DYNC2H1: variants seen among roughly 807,000 people sequenced by gnomAD.
DYNC2H1 encodes the protein cytoplasmic dynein 2 heavy chain 1.
A neutral mutation model predicts 570.0 loss-of-function variants in DYNC2H1; 410 were observed. The observed-to-expected ratio is 0.72, with a 90% CI of 0.66 to 0.78. The LOEUF is 0.78. Ranked by LOEUF, DYNC2H1 falls within the 30% of genes least tolerant of loss-of-function variation. The pLI, the probability that DYNC2H1 is intolerant of heterozygous loss-of-function variation, is 0.00. For synonymous variants in DYNC2H1, 1,688 were observed against 1,677.6 expected, an observed-to-expected ratio of 1.01 and a Z score of -0.15; for missense variants, 4,865 against 5,046.4, an observed-to-expected ratio of 0.96 and a Z score of 1.09.
intron 83 of DYNC2H1, among the ~76,000 whole-genome samples, chr11:103,374,705 AC>A (rs1426308131): frequency 6.6e-6 from 1 of 151,932 alleles, no homozygotes; most frequent in Non-Finnish European, 1.5e-5. Context: ...GAGCTTTTTG[AC>A]CCTGCCCTAG....
intron 13 of DYNC2H1, among the ~76,000 whole-genome samples, chr11:103,131,177 T>C (rs1383579779): frequency 6.6e-6 from 1 of 152,196 alleles, no homozygotes; most frequent in Non-Finnish European, 1.5e-5. Context: ...ATTTTCCCTA[T>C]ATACATTGAA....
At position 103,277,254 on chromosome 11, in the gene DYNC2H1, TA is replaced by T. The variant is rs1400392494; in HGVS notation, c.10696-3093del. ...TTATACAAAGTGTGTGTTCAAATTT[TA>T]TCATGTATGGCTTTTTGTATTCAAT... On this transcript the variant is annotated intron_variant, in intron 70 of 88. Coordinates refer to ENST00000375735, the MANE Select transcript of DYNC2H1 (RefSeq NM_001377.3). This position sits in a 1 kb window ranked among gnomAD's most constrained non-coding sequence, Gnocchi z 4.3. 6.6e-6 allele frequency among the ~76,000 whole-genome samples: 1 copy of T among 152,140 alleles called. No homozygotes were observed. The highest frequency in any genetic ancestry group is 1.5e-5 in the Non-Finnish European group (1 of 67,984).
intron 85 of DYNC2H1, among the ~76,000 whole-genome samples, chr11:103,451,823 G>A (rs573671946): frequency 6.3e-4 from 96 of 152,100 alleles, no homozygotes; most frequent in African/African-American, 2.3e-3. Flanking sequence ...ATGATATCTT[G>A]TTTCTATAAT....
In DYNC2H1 at chr11:103,113,255, G is replaced by A. The variant is rs4754892; in HGVS notation, c.196-282G>A. Among the ~76,000 whole-genome samples the A allele has an allele frequency of 0.021, 3,250 of 152,134 alleles. 54 individuals are homozygous for A. The highest frequency in any genetic ancestry group is 0.053 in the Admixed American group (815 of 15,270). On this transcript the variant is annotated intron_variant, in intron 1 of 88. Transcript: ENST00000375735. ...GGCTGGAATGGAATCTGGCTGGAATGGAATCTGACTGGAATGGAATAGTTA... is the reference window on the plus strand; with the variant it reads ...GGCTGGAATGGAATCTGGCTGGAATAGAATCTGACTGGAATGGAATAGTTA...
intron 31 of DYNC2H1, among the ~76,000 whole-genome samples, chr11:103,167,006 T>TTTG (rs1358771654): frequency 1.8e-4 from 26 of 148,024 alleles, no homozygotes; most frequent in Admixed American, 5.4e-4. Context: ...TTTTTTTTTT[T>TTTG]TTTTTGATTT....
chr11:103,178,470 A>G (rs1325330686), intron 38 of DYNC2H1, among the ~76,000 whole-genome samples: 2 of 152,116 alleles, frequency 1.3e-5, no homozygotes, highest in Non-Finnish European at 2.9e-5. Flanking sequence ...TAACACTTTT[A>G]TCAGTGAAAT....
rs1207059986 is a variant in DYNC2H1, at chr11:103,177,973, G to A, written c.6139+153G>A. ...ACATTTGATATTTTACTTTGGAGGG[G>A]GCCAAGACATGCTATCATTTTCAGT... On this transcript the variant is annotated intron_variant, in intron 38 of 88. Coordinates refer to ENST00000375735, the MANE Select transcript of DYNC2H1 (RefSeq NM_001377.3). The surrounding 1 kb of genome is among the most constrained non-coding windows in gnomAD (Gnocchi z 4.4). Among the ~76,000 whole-genome samples, 1 of 151,820 alleles carries A rather than the reference G, an allele frequency of 6.6e-6. No individual in the cohort carries two copies. Among genetic ancestry groups the A allele is most frequent in the African/African-American group, 2.4e-5 (1 of 41,324 alleles).
At chr11:103,207,832 G>A (rs1159783080) in intron 52 of DYNC2H1, among the ~76,000 whole-genome samples, 1 of 152,122 alleles carries the variant, frequency 6.6e-6, no homozygotes, top group Admixed American at 6.6e-5. Flanking sequence ...TTTGGTGCTT[G>A]AGTATGACAA....
chr11:103,282,592 C>A (rs963928657), intron 72 of DYNC2H1, among the ~76,000 whole-genome samples: 1 of 151,744 alleles, frequency 6.6e-6, no homozygotes, highest in African/African-American at 2.4e-5. Flanking sequence ...TTTTTAATAA[C>A]TTCATTCAAA....
chr11:103,165,407 G>A lies in DYNC2H1; in HGVS notation c.4612-491G>A, dbSNP rs562879235. 7.2e-5 allele frequency among the ~76,000 whole-genome samples: 11 copies of A among 152,290 alleles called. No individual in the cohort carries two copies. In the East Asian group the frequency reaches 2.1e-3, roughly 29 times the overall value. ...GCCTTCCAAAGTTCTGGGATTACAG[G>A]CGTGAGCCACCGCACCCGGCCAAGG... On this transcript the variant is annotated intron_variant, in intron 30 of 88. Coordinates refer to ENST00000375735, the MANE Select transcript of DYNC2H1 (RefSeq NM_001377.3).
At chr11:103,225,054 G>C (rs1863750005) in intron 59 of DYNC2H1, among the ~76,000 whole-genome samples, 1 of 152,008 alleles carries the variant, frequency 6.6e-6, no homozygotes, top group Admixed American at 6.6e-5. Flanking sequence ...ATCTTCTTTT[G>C]AGAATTGTCT....
At chr11:103,156,810 T>C in intron 26 of DYNC2H1, 40 bp downstream of exon 26, 3 of 1,572,230 alleles carry the variant, frequency 1.9e-6, no homozygotes, top group Non-Finnish European at 2.6e-6. Context: ...ATATGGTATT[T>C]TTTTTAAATT....
chr11:103,273,233 AG>A (rs968245692), intron 70 of DYNC2H1, among the ~76,000 whole-genome samples: 3 of 147,060 alleles, frequency 2.0e-5, no homozygotes, highest in Non-Finnish European at 4.5e-5. Flanking sequence ...TCTATTGCCC[AG>A]GCTGGAGTGC....
rs527597968 is a variant in DYNC2H1 at position 103,390,597 on chromosome 11, G to A, written c.12157-9066G>A. ...GATGCAGCTTCTTCCTAGCCTTGAT[G>A]GGCTTTACAATTTGGCATGTTTTTG... On this transcript the variant is annotated intron_variant, in intron 83 of 88. Transcript: ENST00000375735. Among the ~76,000 whole-genome samples, 752 of 152,292 alleles carry A rather than the reference G, an allele frequency of 4.9e-3. 2 individuals are homozygous for A. Among genetic ancestry groups the A allele is most frequent in the African/African-American group, 0.017 (719 of 41,544 alleles).
At chr11:103,120,131 G>A (rs938639006) in intron 6 of DYNC2H1, among the ~76,000 whole-genome samples, 1 of 152,014 alleles carries the variant, frequency 6.6e-6, no homozygotes, top group Non-Finnish European at 1.5e-5. Context: ...ACTTAAATGA[G>A]CTCTAAATAT....
intron 83 of DYNC2H1, among the ~76,000 whole-genome samples, chr11:103,392,188 C>G (rs11225762): frequency 0.03 from 4,613 of 152,316 alleles, 227 homozygotes; most frequent in African/African-American, 0.11. Context: ...CCTACTCAAG[C>G]CTGGGCAATG....
At chr11:103,127,280 A>C (rs1859051195) in intron 12 of DYNC2H1, among the ~76,000 whole-genome samples, 1 of 152,194 alleles carries the variant, frequency 6.6e-6, no homozygotes, top group South Asian at 2.1e-4. Flanking sequence ...AGGTATTTGT[A>C]TTTACCCTGG....
In DYNC2H1 at chr11:103,231,034, C is replaced by T. The variant is rs576504465; in HGVS notation, c.9354-226C>T. Among the ~76,000 whole-genome samples the T allele has an allele frequency of 9.5e-4, 144 of 152,116 alleles. 1 individual carries two copies. The highest frequency in any genetic ancestry group is 3.3e-3 in the African/African-American group (138 of 41,492). ...TACCATTTTTATCCAGAAATTTACA[C>T]GTATGAGTGTTTTTAAATATAAATT... On this transcript the variant is annotated intron_variant, in intron 59 of 88. Transcript: ENST00000375735.
At position 103,204,880 on chromosome 11, in the gene DYNC2H1, G is replaced by T; in HGVS notation, c.8370G>T (p.Met2790Ile). 2 of 1,591,400 alleles carry T rather than the reference G, an allele frequency of 1.3e-6. No homozygotes were observed. The highest frequency in any genetic ancestry group is 1.7e-6 in the Non-Finnish European group (2 of 1,167,616). The change falls in exon 52 of 89, where the codon ATG becomes ATT. Residue 2790 changes from methionine (M) to isoleucine (I), a missense_variant. This residue lies in a region of DYNC2H1 where 2,401 missense variants were observed against 2,454.6 expected (regional missense o/e 0.98). Transcript: ENST00000375735. This position sits in a 1 kb window ranked among gnomAD's most constrained non-coding sequence, Gnocchi z 4.1. ...LIMDSANSNF[M>I]INCESNPALH... ...TGGATTCTGCAAATTCAAACTTCATGATAAACTGTGAGAGTAATCCAGCTT... is the reference window on the plus strand; with the variant it reads ...TGGATTCTGCAAATTCAAACTTCATTATAAACTGTGAGAGTAATCCAGCTT...
Sources: gnomAD v4.1 joint callset for allele counts (sites outside exome capture counted in the v4.1 genomes callset) on GRCh38, gnomAD v4.1.1 for gene constraint, gnomAD v4.1.1 regional missense constraint, Gnocchi (gnomAD v3.1) non-coding constraint, MANE v1.5 for transcripts, NCBI Gene and HGNC (gene_info 2026-07-23, HGNC 2026-07-21) for gene names.